COL25A1: variants seen among roughly 807,000 people sequenced by gnomAD.
COL25A1 encodes the protein collagen alpha-1(XXV) chain.
In COL25A1, 103 loss-of-function variants were observed where a neutral mutation model predicts 128.4. The observed-to-expected ratio is 0.80, with a 90% CI of 0.68 to 0.94. COL25A1 has a LOEUF of 0.94. Ranked by LOEUF, COL25A1 falls within the 40% of genes least tolerant of loss-of-function variation. The pLI, the probability that COL25A1 is intolerant of heterozygous loss-of-function variation, is 0.00. For synonymous variants in COL25A1, 279 were observed against 277.2 expected (o/e 1.01, Z -0.06); for missense variants, 745 against 840.0 (o/e 0.89, Z 1.40).
chr4:108,838,080 A>G (rs1429692512), intron 31 of COL25A1: 12 of 1,526,818 alleles, frequency 7.9e-6, no homozygotes, highest in African/African-American at 4.1e-5. Flanking sequence ...ACTAAAATGG[A>G]AAGTTTTCTT....
rs768006595 is a variant in COL25A1 at position 108,941,425 on chromosome 4, T to C, written c.505A>G (p.Lys169Glu). ...GDQGPRMVFPKINHGFLSADQ... is the reference protein window; with the variant it reads ...GDQGPRMVFPEINHGFLSADQ... ...GCAGAGAGAAACCCATGATTGATTTTAGGAAACACCATCTGATCAGTCAGT... is the reference window on the plus strand; with the variant it reads ...GCAGAGAGAAACCCATGATTGATTTCAGGAAACACCATCTGATCAGTCAGT... Residue 169 changes from lysine to glutamate, a missense_variant, in exon 9 of 38, where the codon AAA (lysine) becomes GAA (glutamate). Physicochemically the swap from Lys to Glu is moderately conservative, Grantham distance 56 (BLOSUM62 1). This residue lies in a region of COL25A1 where 319 missense variants were observed against 324.9 expected (regional missense o/e 0.98). Coordinates refer to ENST00000399132, the MANE Select transcript of COL25A1 (RefSeq NM_198721.4). The C allele has an allele frequency of 2.5e-6, 4 of 1,613,906 alleles. No individual in the cohort carries two copies. Among genetic ancestry groups the C allele is most frequent in the Non-Finnish European group, 3.4e-6 (4 of 1,179,818 alleles).
At chr4:109,076,730 C>T (rs1763412943) in intron 3 of COL25A1, among the ~76,000 whole-genome samples, 1 of 151,836 alleles carries the variant, frequency 6.6e-6, no homozygotes, top group Admixed American at 6.6e-5. Flanking sequence ...AGCTTGTTTT[C>T]CTGCAACTAG....
At chr4:108,956,507 G>A (rs574658739) in intron 8 of COL25A1, among the ~76,000 whole-genome samples, 2 of 152,328 alleles carry the variant, frequency 1.3e-5, no homozygotes, top group South Asian at 4.1e-4. Flanking sequence ...CCAGGTTCAA[G>A]TGATTCTCCT....
In COL25A1 at chr4:109,107,097, GT is replaced by G. The variant is rs750079863; in HGVS notation, c.368-56919del. 8.0e-4 allele frequency among the ~76,000 whole-genome samples: 122 copies of G among 151,930 alleles called. 2 individuals are homozygous for G. The highest frequency in any genetic ancestry group is 2.8e-3 in the African/African-American group (114 of 41,426). On this transcript the variant is annotated intron_variant, in intron 3 of 37. Coordinates refer to ENST00000399132, the MANE Select transcript of COL25A1 (RefSeq NM_198721.4). ...TAAAATTTAATAAGTGCTTCAAAAA[GT>G]TTTTTTTAAACTTAGTTTAGTGTAA...
intron 6 of COL25A1, among the ~76,000 whole-genome samples, chr4:108,974,956 G>A (rs1011324578): frequency 6.6e-6 from 1 of 152,130 alleles, no homozygotes; most frequent in Non-Finnish European, 1.5e-5. Context: ...TAGCTTGTCT[G>A]TTTTTGTACT....
At chr4:109,102,205 T>C (rs1223160909) in intron 3 of COL25A1, among the ~76,000 whole-genome samples, 1 of 152,140 alleles carries the variant, frequency 6.6e-6, no homozygotes, top group Non-Finnish European at 1.5e-5. Flanking sequence ...ATGTAAAATA[T>C]AATGTATAAA....
chr4:108,874,259 A>C (rs1739159096), intron 19 of COL25A1, among the ~76,000 whole-genome samples: 1 of 152,206 alleles, frequency 6.6e-6, no homozygotes, highest in Non-Finnish European at 1.5e-5. Flanking sequence ...CAGGAGAAAT[A>C]ACTGTTTATA....
At chr4:108,866,975 A>G (rs150935022) in intron 20 of COL25A1, among the ~76,000 whole-genome samples, 187 of 152,330 alleles carry the variant, frequency 1.2e-3, no homozygotes, top group Admixed American at 5.2e-3. Flanking sequence ...GGTAGAATAC[A>G]TTCTTTAGTT....
At chr4:109,269,018 G>A (rs1456243614) in intron 3 of COL25A1, among the ~76,000 whole-genome samples, 1 of 151,004 alleles carries the variant, frequency 6.6e-6, no homozygotes, top group Non-Finnish European at 1.5e-5. Flanking sequence ...TGCCATGCTG[G>A]TGTGCTGCAC....
chr4:109,175,391 T>C (rs1773993374), intron 3 of COL25A1, among the ~76,000 whole-genome samples: 1 of 152,226 alleles, frequency 6.6e-6, no homozygotes, highest in Admixed American at 6.5e-5. Context: ...GTAATCATTA[T>C]TAACCAACTT....
Position 108,920,573 on chromosome 4 carries a change from T to A in COL25A1, c.735+5A>T. The A allele has an allele frequency of 6.2e-7, 1 of 1,602,104 alleles. No individual in the cohort carries two copies. The highest frequency in any genetic ancestry group is 8.5e-7 in the Non-Finnish European group (1 of 1,171,354). Reference sequence around the variant, plus strand: ...ACTTTCACAATATTGTTGTTTATACTCTACCTTTTGTCCCGGAGGCCCTAG... The same window carrying A: ...ACTTTCACAATATTGTTGTTTATACACTACCTTTTGTCCCGGAGGCCCTAG... On this transcript the variant is annotated splice_donor_5th_base_variant and intron_variant, in intron 12 of 37. Coordinates refer to ENST00000399132, the MANE Select transcript of COL25A1 (RefSeq NM_198721.4).
intron 3 of COL25A1, among the ~76,000 whole-genome samples, chr4:109,130,150 T>G (rs1159953116): frequency 6.6e-6 from 1 of 152,120 alleles, no homozygotes; most frequent in Non-Finnish European, 1.5e-5. Context: ...TGTTAATTAA[T>G]AAAATCCCTC....
rs1293346701 is a variant in COL25A1 at position 109,277,714 on chromosome 4, T to C, written c.367+22869A>G. Among the ~76,000 whole-genome samples the C allele has an allele frequency of 2.6e-5, 4 of 152,240 alleles. No individual in the cohort carries two copies. The South Asian group carries it at 8.3e-4, about 31-fold the overall frequency. On this transcript the variant is annotated intron_variant, in intron 3 of 37. Transcript: ENST00000399132. Reference sequence around the variant, plus strand: ...GAGAACTTAGATTATATAGGATTTCTATGTATCCATTTCTGATTCTACAGT... The same window carrying C: ...GAGAACTTAGATTATATAGGATTTCCATGTATCCATTTCTGATTCTACAGT...
chr4:109,279,582 T>C (rs962362716), intron 3 of COL25A1, among the ~76,000 whole-genome samples: 2 of 152,076 alleles, frequency 1.3e-5, no homozygotes, highest in African/African-American at 4.8e-5. Flanking sequence ...TCTCAATCAA[T>C]CAATTAAAAC....
Position 109,071,395 on chromosome 4 carries a change from T to A in COL25A1, c.368-21216A>T, listed in dbSNP as rs540868857. On this transcript the variant is annotated intron_variant, in intron 3 of 37. Transcript: ENST00000399132. Reference sequence around the variant, plus strand: ...TCAGGACATAGGCATGGGCAAGGACTTCATGTCTAAAACACCAAAAGCAAT... The same window carrying A: ...TCAGGACATAGGCATGGGCAAGGACATCATGTCTAAAACACCAAAAGCAAT... Among the ~76,000 whole-genome samples, 14 of 152,216 alleles carry A rather than the reference T, an allele frequency of 9.2e-5. No individual in the cohort carries two copies. In the South Asian group the frequency reaches 2.9e-3, roughly 32 times the overall value.
intron 3 of COL25A1, among the ~76,000 whole-genome samples, chr4:109,149,665 G>A (rs1321197409): frequency 6.6e-6 from 1 of 152,180 alleles, no homozygotes; most frequent in African/African-American, 2.4e-5. Flanking sequence ...TGGATGCTGA[G>A]TTGTGGTTAC....
At chr4:109,027,733 A>C (rs1465052281) in intron 5 of COL25A1, among the ~76,000 whole-genome samples, 1 of 151,844 alleles carries the variant, frequency 6.6e-6, no homozygotes, top group Non-Finnish European at 1.5e-5. Context: ...AACTAGATTG[A>C]ATGTGGGGTG....
intron 3 of COL25A1, among the ~76,000 whole-genome samples, chr4:109,199,186 T>C (rs924974098): frequency 6.6e-6 from 1 of 152,242 alleles, no homozygotes; most frequent in Admixed American, 6.5e-5. Context: ...ATAATTTTAC[T>C]TATTAACACA....
intron 5 of COL25A1, among the ~76,000 whole-genome samples, chr4:109,046,548 C>A (rs917223006): frequency 3.3e-5 from 5 of 152,194 alleles, no homozygotes; most frequent in Admixed American, 6.5e-5. Flanking sequence ...TTGTTACTTA[C>A]TTAACATGAA....
Sources: allele counts gnomAD v4.1 joint callset (sites outside exome capture counted in the v4.1 genomes callset), GRCh38; gene constraint gnomAD v4.1.1; regional missense constraint gnomAD v4.1.1; transcripts MANE v1.5; gene names NCBI Gene and HGNC (gene_info 2026-07-23, HGNC 2026-07-21).